ZC3H12B: variants seen among roughly 807,000 people sequenced by gnomAD.
The protein encoded by ZC3H12B is zinc finger CCCH-type containing 12B, also known as probable ribonuclease ZC3H12B.
ZC3H12B carries 7 observed loss-of-function variants against 43.9 expected under a neutral mutation model. The ratio of observed to expected loss-of-function variants is 0.16; its 90% CI spans 0.09 to 0.30. The LOEUF is 0.30. Ranked by LOEUF, ZC3H12B falls within the 10% of genes least tolerant of loss-of-function variation. The pLI is 1.00. For missense variants in ZC3H12B, 475 were observed against 670.2 expected (o/e 0.71, Z 3.22); for synonymous variants, 222 against 241.7 (o/e 0.92, Z 0.76).
intron 4 of ZC3H12B, 21 bp from the exon 10 acceptor site, chrX:65,501,768 C>T: frequency 8.9e-7 from 1 of 1,126,394 alleles, no homozygotes. Flanking sequence ...GAGAGTCTTA[C>T]CCCAAGGCAT....
At chrX:65,095,152 G>T in the ZC3H12B span, among the ~76,000 whole-genome samples, 1 of 111,793 alleles carries the variant, frequency 8.9e-6, no homozygotes, top group Non-Finnish European at 1.9e-5. Context: ...GAAATCAATG[G>T]TGATGTTAAG....
At position 65,373,897 on chromosome X, in the gene ZC3H12B, A is replaced by ATATATATATATATATATATATAC. The variant is rs1215963583; in HGVS notation, n.295+4909_295+4910insTATATATATATACTATATATATA. ...ACCCTAGAACTTAAAGTATAGTAAT[A>ATATATATATATATATATATATAC]TATATATATAGTTATATATATATAC... is the stretch of plus-strand genomic sequence containing the variant. On this transcript the variant is annotated intron_variant and non_coding_transcript_variant, in intron 2 of 5. Coordinates refer to the ZC3H12B transcript ENST00000617377. Among the ~76,000 whole-genome samples, 7 of 27,344 alleles carry ATATATATATATATATATATATAC rather than the reference A, an allele frequency of 2.6e-4. 1 individual carries two copies. Among genetic ancestry groups the ATATATATATATATATATATATAC allele is most frequent in the African/African-American group, 1.2e-3 (7 of 5,787 alleles). The allele number at this position is 27,344 out of a possible 115,157, so 23.7% of individuals were successfully genotyped here. A position where few individuals can be genotyped will look rare whatever the true frequency, so the allele number is the denominator to read the frequency against.
the ZC3H12B span, among the ~76,000 whole-genome samples, chrX:65,073,227 G>A: frequency 5.3e-5 from 6 of 112,845 alleles, no homozygotes; most frequent in African/African-American, 1.9e-4. Flanking sequence ...TACGCTGGTG[G>A]GACAGAGAAG....
chrX:65,329,366 C>T, the ZC3H12B span, among the ~76,000 whole-genome samples: 1 of 110,798 alleles, frequency 9.0e-6, no homozygotes, highest in African/African-American at 3.4e-5. Flanking sequence ...AGTGTCTGTT[C>T]ATATCCTTCA....
At chrX:65,053,603 A>G in the ZC3H12B span, among the ~76,000 whole-genome samples, 1 of 111,138 alleles carries the variant, frequency 9.0e-6, no homozygotes, top group Non-Finnish European at 1.9e-5. Flanking sequence ...CATGATTTAT[A>G]CTCCTCTGGG....
chrX:65,107,161 C>A, the ZC3H12B span, among the ~76,000 whole-genome samples: 5 of 111,291 alleles, frequency 4.5e-5, no homozygotes, highest in African/African-American at 1.6e-4. Context: ...TTAGGAAGGA[C>A]CTTGAATGAC....
chrX:65,392,293 C>T (rs1459125533), intron 2 of ZC3H12B, among the ~76,000 whole-genome samples: 2 of 110,102 alleles, frequency 1.8e-5, no homozygotes, highest in African/African-American at 3.3e-5. Context: ...TGCCTCTTCC[C>T]GGCCGTCATC....
chrX:65,201,853 C>T, the ZC3H12B span, among the ~76,000 whole-genome samples: 1 of 106,190 alleles, frequency 9.4e-6, no homozygotes, highest in Admixed American at 1.1e-4. Flanking sequence ...ATGCTGTTCT[C>T]GTGACATCAA....
the ZC3H12B span, among the ~76,000 whole-genome samples, chrX:65,257,190 C>A: frequency 8.9e-6 from 1 of 112,084 alleles, no homozygotes; most frequent in Non-Finnish European, 1.9e-5. Flanking sequence ...ACAGCAAAGA[C>A]TTGGAACCAA....
the ZC3H12B span, among the ~76,000 whole-genome samples, chrX:65,055,619 A>T: frequency 8.9e-6 from 1 of 111,913 alleles, no homozygotes; most frequent in Non-Finnish European, 1.9e-5. Context: ...GTTAGGGAAG[A>T]TTTCCTCTTT....
At chrX:65,244,851 G>C in the ZC3H12B span, among the ~76,000 whole-genome samples, 2 of 109,751 alleles carry the variant, frequency 1.8e-5, no homozygotes, top group Non-Finnish European at 3.8e-5. Context: ...ATGTATGTTC[G>C]ATTAAGAAAT....
chrX:65,161,492 A>C, the ZC3H12B span, among the ~76,000 whole-genome samples: 1 of 111,709 alleles, frequency 9.0e-6, no homozygotes, highest in Non-Finnish European at 1.9e-5. Flanking sequence ...CTTCTTGTTG[A>C]ATTGATCCCT....
the ZC3H12B span, among the ~76,000 whole-genome samples, chrX:65,211,701 T>C: frequency 1.1e-5 from 1 of 89,340 alleles, no homozygotes; most frequent in South Asian, 4.5e-4. Flanking sequence ...TATTATATAA[T>C]ATATAATATA....
intron 3 of ZC3H12B, among the ~76,000 whole-genome samples, chrX:65,445,802 G>A (rs2067368210): frequency 8.9e-6 from 1 of 112,529 alleles, no homozygotes. Flanking sequence ...GGGGCTAGGA[G>A]TCGGGAATTT....
intron 3 of ZC3H12B, among the ~76,000 whole-genome samples, chrX:65,403,353 T>C (rs1256906724): frequency 9.0e-6 from 1 of 111,025 alleles, no homozygotes; most frequent in Non-Finnish European, 1.9e-5. Context: ...AATGTCAAAG[T>C]TAAGAGTTAT....
At chrX:65,111,704 G>C in the ZC3H12B span, among the ~76,000 whole-genome samples, 4 of 109,612 alleles carry the variant, frequency 3.6e-5, no homozygotes, top group Non-Finnish European at 7.6e-5. Flanking sequence ...ATGGTGATTT[G>C]TGATCAGTTA....
chrX:65,384,087 T>A (rs755145084), intron 2 of ZC3H12B, among the ~76,000 whole-genome samples: 1 of 101,424 alleles, frequency 9.9e-6, no homozygotes, highest in East Asian at 3.0e-4. Context: ...TATTGCGGCA[T>A]GATTCACAAT....
chrX:65,149,224 C>T, the ZC3H12B span, among the ~76,000 whole-genome samples: 1 of 111,358 alleles, frequency 9.0e-6, no homozygotes, highest in Admixed American at 9.6e-5. Context: ...TTACCAAGCC[C>T]ACATAATCTC....
chrX:65,064,574 T>C, the ZC3H12B span, among the ~76,000 whole-genome samples: 1 of 111,736 alleles, frequency 8.9e-6, no homozygotes, highest in African/African-American at 3.3e-5. Context: ...CTTCCAATCA[T>C]GTGGTCAGTT....
Sources: allele counts gnomAD v4.1 joint callset (sites outside exome capture counted in the v4.1 genomes callset), GRCh38; gene constraint gnomAD v4.1.1; transcripts MANE v1.5; gene names NCBI Gene and HGNC (gene_info 2026-07-23, HGNC 2026-07-21).